Variants in PRSS23 observed in about 807,000 individuals in gnomAD.
PRSS23 encodes serine protease 23.
In PRSS23, 25 loss-of-function variants were observed where a neutral mutation model predicts 34.7. The ratio of observed to expected loss-of-function variants is 0.72; its 90% CI spans 0.53 to 1.01. The LOEUF (loss-of-function observed/expected upper bound fraction) is 1.01. Among genes scored for constraint, PRSS23 ranks in the 50% least tolerant of loss-of-function variants. The probability of loss-of-function intolerance (pLI) is 0.00; values close to 1 mark genes in which losing one functional copy is unlikely to be tolerated. For missense variants in PRSS23, 445 were observed against 475.6 expected, an observed-to-expected ratio of 0.94 and a Z score of 0.60; for synonymous variants, 176 against 186.6, an observed-to-expected ratio of 0.94 and a Z score of 0.46.
chr11:86,831,025 A>G (rs1215573800), intron 2 of PRSS23, among the ~76,000 whole-genome samples: 2 of 152,056 alleles, frequency 1.3e-5, no homozygotes, highest in East Asian at 3.9e-4. Flanking sequence ...TATTTGGAAT[A>G]TCCTAGGGGG....
At chr11:86,813,879 G>T (rs541889990), downstream of PRSS23, among the ~76,000 whole-genome samples, 2 of 152,276 alleles carry the variant, frequency 1.3e-5, no homozygotes, top group East Asian at 1.9e-4. Flanking sequence ...AGTAATCCAG[G>T]TAAGAAATGG....
intron 2 of PRSS23, among the ~76,000 whole-genome samples, chr11:86,827,031 T>G (rs1378839512): frequency 6.6e-6 from 1 of 152,176 alleles, no homozygotes; most frequent in Non-Finnish European, 1.5e-5. Flanking sequence ...GAGGATTCCC[T>G]CTTTTTCTAT....
At chr11:86,927,068 T>A (rs78244975) in intron 2 of PRSS23, among the ~76,000 whole-genome samples, 3 of 152,174 alleles carry the variant, frequency 2.0e-5, no homozygotes, top group Admixed American at 6.5e-5. Flanking sequence ...ACAGAACCTC[T>A]GGATTCTATT....
chr11:86,802,992 C>T (rs554274416), intron 1 of PRSS23, among the ~76,000 whole-genome samples: 25 of 152,248 alleles, frequency 1.6e-4, no homozygotes, highest in African/African-American at 5.5e-4. Context: ...ATCAGATACC[C>T]AAAGCTGGAA....
intron 2 of PRSS23, among the ~76,000 whole-genome samples, chr11:86,888,901 C>T (rs1411654469): frequency 6.6e-6 from 1 of 152,158 alleles, no homozygotes; most frequent in African/African-American, 2.4e-5. Flanking sequence ...GCAAGTTTGC[C>T]CCTGGGAACT....
At chr11:86,940,312 G>A (rs1949198715) in intron 2 of PRSS23, among the ~76,000 whole-genome samples, 1 of 152,102 alleles carries the variant, frequency 6.6e-6, no homozygotes, top group South Asian at 2.1e-4. Flanking sequence ...TGCTGTATCG[G>A]GTGTGCAGAG....
Position 86,844,879 on chromosome 11 carries a change from C to T in PRSS23, c.206+21286C>T, listed in dbSNP as rs910986866. Among the ~76,000 whole-genome samples the T allele has an allele frequency of 2.0e-5, 3 of 152,164 alleles. No individual in the cohort carries two copies. The South Asian group carries it at 6.2e-4, about 31-fold the overall frequency. ...CCGAGGCAGGCAGATCACCTGAGGT[C>T]AGGAGTTCAAGAACAGCCTGACCAA... is the stretch of plus-strand genomic sequence containing the variant. On this transcript the variant is annotated intron_variant, in intron 2 of 2. Transcript: ENST00000533902.
intron 2 of PRSS23, among the ~76,000 whole-genome samples, chr11:86,888,345 CATAAGGAACA>C (rs1302423993): frequency 1.3e-5 from 2 of 152,020 alleles, no homozygotes; most frequent in Non-Finnish European, 2.9e-5. Flanking sequence ...GGGAGTACTC[CATAAGGAACA>C]ATCACTTTAT....
At chr11:86,881,257 T>C (rs1948770351) in intron 2 of PRSS23, among the ~76,000 whole-genome samples, 1 of 34,206 alleles carries the variant, frequency 2.9e-5, no homozygotes, top group Non-Finnish European at 4.8e-5. Context: ...GTTGAGTGCT[T>C]TTTTTTTTTT....
Position 86,811,149 on chromosome 11 carries a change from A to T in PRSS23, c.*2354A>T, listed in dbSNP as rs1362992376. ...CAGAGGTTCACATGCCTGTCTGCACATTAAAAGCTCTGGGAAGACCTGTTG... is the reference window on the plus strand; with the variant it reads ...CAGAGGTTCACATGCCTGTCTGCACTTTAAAAGCTCTGGGAAGACCTGTTG... On this transcript the variant is annotated 3_prime_UTR_variant, in exon 2 of 2. Coordinates refer to ENST00000280258, the MANE Select transcript of PRSS23 (RefSeq NM_007173.6). 6.0e-6 allele frequency: 1 copy of T among 167,128 alleles called. No individual in the cohort carries two copies. Among genetic ancestry groups the T allele is most frequent in the Admixed American group, 6.5e-5 (1 of 15,292 alleles). 10.4% of individuals were successfully genotyped at this position (167,128 alleles called of 1,614,324 possible). A position where few individuals can be genotyped will look rare whatever the true frequency, so the allele number is the denominator to read the frequency against.
At chr11:86,930,195 A>G (rs1949114734) in intron 2 of PRSS23, among the ~76,000 whole-genome samples, 1 of 152,164 alleles carries the variant, frequency 6.6e-6, no homozygotes, top group South Asian at 2.1e-4. Context: ...TTAAAAAAAA[A>G]AATGTGGGGT....
chr11:86,862,380 T>C (rs1948622322), intron 2 of PRSS23, among the ~76,000 whole-genome samples: 1 of 151,974 alleles, frequency 6.6e-6, no homozygotes, highest in South Asian at 2.1e-4. Flanking sequence ...TGGGATATTA[T>C]TGGTAATATC....
At chr11:86,830,564 A>G (rs1855610023) in intron 2 of PRSS23, among the ~76,000 whole-genome samples, 2 of 152,330 alleles carry the variant, frequency 1.3e-5, no homozygotes, top group South Asian at 4.1e-4. Context: ...GGAAATGCAG[A>G]AATCACCCAT....
intron 2 of PRSS23, chr11:86,933,422 C>G (rs1384687088): frequency 6.6e-6 from 1 of 152,120 alleles, no homozygotes; most frequent in Non-Finnish European, 1.5e-5. Context: ...AAATCCAAGG[C>G]TTTACTTTGG....
upstream of PRSS23, among the ~76,000 whole-genome samples, chr11:86,796,495 G>T (rs1254177294): frequency 6.6e-6 from 1 of 151,398 alleles, no homozygotes; most frequent in Non-Finnish European, 1.5e-5. Context: ...CAAAAAATTA[G>T]CCGGGCGTGG....
At chr11:86,793,336 A>C (rs1947963054) in intron 1 of PRSS23, among the ~76,000 whole-genome samples, 1 of 152,212 alleles carries the variant, frequency 6.6e-6, no homozygotes, top group Non-Finnish European at 1.5e-5. Context: ...CATATTGTCC[A>C]ATAGCATTCT....
At chr11:86,817,339 A>G (rs1319838242) in intron 1 of PRSS23, among the ~76,000 whole-genome samples, 1 of 152,226 alleles carries the variant, frequency 6.6e-6, no homozygotes, top group Admixed American at 6.5e-5. Context: ...TAAGTTAATG[A>G]TGTGGCTATT....
At chr11:86,882,115 A>T (rs1590911210) in intron 2 of PRSS23, among the ~76,000 whole-genome samples, 1 of 152,156 alleles carries the variant, frequency 6.6e-6, no homozygotes, top group East Asian at 1.9e-4. Context: ...CTGCTCCAAT[A>T]TTTATTATTT....
rs1949284049 is a variant in PRSS23 at position 86,950,830 on chromosome 11, G to A, written c.207-386G>A. On this transcript the variant is annotated intron_variant, in intron 2 of 2. Transcript: ENST00000533902. Reference sequence around the variant, plus strand: ...TGCAGGGGAAAACAGTATCGCCCTGGACTTCCTGGAATCTAGGCAGGACCT... The same window carrying A: ...TGCAGGGGAAAACAGTATCGCCCTGAACTTCCTGGAATCTAGGCAGGACCT... The A allele has an allele frequency of 4.5e-6, 2 of 440,416 alleles. No homozygotes were observed. Among genetic ancestry groups the A allele is most frequent in the East Asian group, 4.7e-5 (1 of 21,476 alleles). 27.3% of individuals were successfully genotyped at this position (440,416 alleles called of 1,614,324 possible). A position where few individuals can be genotyped will look rare whatever the true frequency, so the allele number is the denominator to read the frequency against.
Sources: gnomAD v4.1 joint callset for allele counts (sites outside exome capture counted in the v4.1 genomes callset) on GRCh38, gnomAD v4.1.1 for gene constraint, MANE v1.5 for transcripts, NCBI Gene and HGNC (gene_info 2026-07-23, HGNC 2026-07-21) for gene names.